Variants in SRRM5 observed in about 807,000 individuals in gnomAD.
SRRM5 encodes the protein serine/arginine repetitive matrix protein 5.
Under a neutral mutation model 1.3 loss-of-function variants are expected in SRRM5, and 1 was observed. The observed-to-expected ratio is 0.76, with a 90% CI of 0.27 to 3.59. The LOEUF (loss-of-function observed/expected upper bound fraction) is 3.59. Among genes scored for constraint, SRRM5 ranks in the 30% most tolerant of loss-of-function variants. SRRM5 has a pLI of 0.19. For synonymous variants in SRRM5, 275 were observed against 320.2 expected (o/e 0.86, Z 1.51); for missense variants, 875 against 914.5 (o/e 0.96, Z 0.56).
Position 43,612,792 on chromosome 19 carries a change from G to A in SRRM5, c.671G>A (p.Gly224Glu), listed in dbSNP as rs1973316446. 12 of 1,551,606 alleles carry A rather than the reference G, an allele frequency of 7.7e-6. No individual in the cohort carries two copies. Among genetic ancestry groups the A allele is most frequent in the Non-Finnish European group, 1.0e-5 (12 of 1,146,974 alleles). Residue 224 changes from glycine to glutamate, a missense_variant, in exon 1 of 1, where the codon GGA becomes GAA. By Grantham distance (98) the Gly-to-Glu change is moderately conservative. Coordinates refer to ENST00000417606, the MANE Select transcript of SRRM5 (RefSeq NM_001145641.2). The surrounding 1 kb of genome is among the most constrained non-coding windows in gnomAD (Gnocchi z 4.2). ...PSTAKCQTPT[G>E]IPSKEKSDNP... ...ACAGCCAAGTGTCAAACCCCGACTG[G>A]AATTCCCTCCAAGGAGAAGAGTGAC...
Position 43,613,527 on chromosome 19 carries a change from A to T in SRRM5, c.1406A>T (p.Lys469Met). 1 of 1,551,414 alleles carries T rather than the reference A, an allele frequency of 6.4e-7. No homozygotes were observed. The highest frequency in any genetic ancestry group is 8.7e-7 in the Non-Finnish European group (1 of 1,146,906). The change falls in exon 1 of 1, where the codon AAG becomes ATG. Residue 469 changes from lysine (K) to methionine (M), a missense_variant. Lys to Met is a moderately conservative substitution (Grantham distance 95, BLOSUM62 -1). Coordinates refer to ENST00000417606, the MANE Select transcript of SRRM5 (RefSeq NM_001145641.2). ...RDHSRSRSPNKARDRSRSRSP... is the reference protein window; with the variant it reads ...RDHSRSRSPNMARDRSRSRSP... Reference sequence around the variant, plus strand: ...CATAGCCGATCTAGAAGTCCCAACAAGGCGAGAGATCGCAGCCGATCTAGA... The same window carrying T: ...CATAGCCGATCTAGAAGTCCCAACATGGCGAGAGATCGCAGCCGATCTAGA...
Position 43,612,713 on chromosome 19 carries a change from C to T in SRRM5, c.592C>T (p.Pro198Ser). Residue 198 changes from proline to serine, a missense_variant, in exon 1 of 1, where the codon CCA becomes TCA. Physicochemically the swap from Pro to Ser is moderately conservative, Grantham distance 74. Transcript: ENST00000417606. The surrounding 1 kb of genome is among the most constrained non-coding windows in gnomAD (Gnocchi z 4.2). ...PRNLSKKSYRPPGGSGIGRSS... is the reference protein window; with the variant it reads ...PRNLSKKSYRSPGGSGIGRSS... ...AAATCTGAGCAAGAAGAGTTACCGC[C>T]CACCAGGAGGCTCAGGTATAGGGAG... The T allele has an allele frequency of 6.4e-7, 1 of 1,551,616 alleles. No homozygotes were observed. The highest frequency in any genetic ancestry group is 1.2e-5 in the South Asian group (1 of 84,066).
Position 43,613,257 on chromosome 19 carries a change from G to C in SRRM5, c.1136G>C (p.Gly379Ala). Residue 379 changes from glycine (G) to alanine (A), a missense_variant, in exon 1 of 1, where the codon GGA (glycine) becomes GCA (alanine). By Grantham distance (60) the Gly-to-Ala change is moderately conservative. Coordinates refer to ENST00000417606, the MANE Select transcript of SRRM5 (RefSeq NM_001145641.2). ...TCCAGCAAAGAGAGAGATCACAGGG[G>C]ATCTAGCAGCCCCAGGAAGGAGAGT... is the stretch of plus-strand genomic sequence containing the variant. ...RSSSKERDHR[G>A]SSSPRKESGR... The C allele has an allele frequency of 6.4e-7, 1 of 1,551,554 alleles. No individual in the cohort carries two copies. The highest frequency in any genetic ancestry group is 8.7e-7 in the Non-Finnish European group (1 of 1,146,962).
rs1012017485 is a variant in SRRM5 at position 43,613,395 on chromosome 19, G to A, written c.1274G>A (p.Arg425His). Residue 425 changes from arginine (R) to histidine (H), a missense_variant, in exon 1 of 1, where the codon CGC becomes CAC. Transcript: ENST00000417606. Reference sequence around the variant, plus strand: ...AGAAGTCCCTACAAGGCGAGAGATCGCAGCCGATCTAGAAGTCCCAACAAG... The same window carrying A: ...AGAAGTCCCTACAAGGCGAGAGATCACAGCCGATCTAGAAGTCCCAACAAG... ...RSRSPYKARD[R>H]SRSRSPNKAR... is the part of the protein sequence containing the mutation. 1.5e-5 allele frequency: 23 copies of A among 1,527,890 alleles called. No homozygotes were observed. The highest frequency in any genetic ancestry group is 1.7e-4 in the Middle Eastern group (1 of 5,968). The allele number at this position is 1,527,890 out of a possible 1,614,324, so 94.6% of individuals were successfully genotyped here. A position where few individuals can be genotyped will look rare whatever the true frequency, so the allele number is the denominator to read the frequency against.
In SRRM5 at chr19:43,614,140, C is replaced by G. The variant is rs1417147698; in HGVS notation, c.2019C>G (p.Ser673Arg). 6.2e-7 allele frequency: 1 copy of G among 1,612,394 alleles called. No individual in the cohort carries two copies. The highest frequency in any genetic ancestry group is 1.7e-5 in the Admixed American group (1 of 59,688). The change falls in exon 1 of 1, where the codon AGC becomes AGG. Residue 673 changes from serine to arginine, a missense_variant. Physicochemically the swap from Ser to Arg is moderately radical, Grantham distance 110 (BLOSUM62 -1). Coordinates refer to ENST00000417606, the MANE Select transcript of SRRM5 (RefSeq NM_001145641.2). ...SQNRTPSKTS[S>R]HSPSTFPSGG... ...ATAGAACCCCTAGCAAGACAAGCAG[C>G]CACTCCCCATCAACATTTCCCAGTG...
chr19:43,613,550 A>G lies in SRRM5; in HGVS notation c.1429A>G (p.Arg477Gly). 1.3e-6 allele frequency: 2 copies of G among 1,551,578 alleles called. No individual in the cohort carries two copies. Among genetic ancestry groups the G allele is most frequent in the Non-Finnish European group, 1.7e-6 (2 of 1,146,932 alleles). Reference sequence around the variant, plus strand: ...CAAGGCGAGAGATCGCAGCCGATCTAGAAGCCCCAGCAAGGAAAGAGATCA... The same window carrying G: ...CAAGGCGAGAGATCGCAGCCGATCTGGAAGCCCCAGCAAGGAAAGAGATCA... ...PNKARDRSRS[R>G]SPSKERDHSQ... The change falls in exon 1 of 1, where the codon AGA becomes GGA. Residue 477 changes from arginine (R) to glycine (G), a missense_variant. Arg to Gly is a moderately radical substitution (Grantham distance 125, BLOSUM62 -2). Transcript: ENST00000417606.
Position 43,612,517 on chromosome 19 carries a change from C to G in SRRM5, c.396C>G (p.Ser132=). The G allele has an allele frequency of 1.3e-6, 2 of 1,551,412 alleles. No individual in the cohort carries two copies. The highest frequency in any genetic ancestry group is 1.7e-6 in the Non-Finnish European group (2 of 1,146,962). The change falls in exon 1 of 1, where the codon TCC becomes TCG. Residue 132 remains serine, a synonymous_variant. Coordinates refer to ENST00000417606, the MANE Select transcript of SRRM5 (RefSeq NM_001145641.2). The surrounding 1 kb of genome is among the most constrained non-coding windows in gnomAD (Gnocchi z 4.2). ...CTGGCAGAAGGGGAAGCCGCAGCTC[C>G]AAGAGGTCACCCAGCAGGGCCAGCA... ...RTPGRRGSRS[S]KRSPSRASTP...
chr19:43,612,651 G>A lies in SRRM5; in HGVS notation c.530G>A (p.Arg177Lys). The A allele has an allele frequency of 3.2e-6, 5 of 1,551,450 alleles. No homozygotes were observed. Among genetic ancestry groups the A allele is most frequent in the Non-Finnish European group, 4.4e-6 (5 of 1,146,966 alleles). Reference protein sequence around the residue: ...GSRGKSYGRPRTSNRERSDSQ... With the variant: ...GSRGKSYGRPKTSNRERSDSQ... ...CGGGGAAAGAGTTACGGCCGGCCTA[G>A]AACCAGCAACAGGGAAAGGAGTGAC... Residue 177 changes from arginine to lysine, a missense_variant, in exon 1 of 1, where the codon AGA (arginine) becomes AAA (lysine). Physicochemically the swap from Arg to Lys is conservative, Grantham distance 26 (BLOSUM62 2). Transcript: ENST00000417606. The surrounding 1 kb of genome is among the most constrained non-coding windows in gnomAD (Gnocchi z 4.2).
Position 43,612,450 on chromosome 19 carries a change from G to A in SRRM5, c.329G>A (p.Arg110Lys). 6.4e-6 allele frequency: 10 copies of A among 1,551,574 alleles called. No individual in the cohort carries two copies. The highest frequency in any genetic ancestry group is 8.7e-6 in the Non-Finnish European group (10 of 1,146,972). ...TSKASKASDV[R>K]CHQRRGTHSR... Reference sequence around the variant, plus strand: ...AAAGCCAGCAAGGCCAGCGACGTGAGATGCCACCAGCGGAGGGGCACACAC... The same window carrying A: ...AAAGCCAGCAAGGCCAGCGACGTGAAATGCCACCAGCGGAGGGGCACACAC... Residue 110 changes from arginine to lysine, a missense_variant, in exon 1 of 1, where the codon AGA becomes AAA. Physicochemically the swap from Arg to Lys is conservative, Grantham distance 26. Coordinates refer to ENST00000417606, the MANE Select transcript of SRRM5 (RefSeq NM_001145641.2). This position sits in a 1 kb window ranked among gnomAD's most constrained non-coding sequence, Gnocchi z 4.2.
In SRRM5 at chr19:43,614,251, T is replaced by A. The variant is rs151302773; in HGVS notation, c.2130T>A (p.Ser710=). 60 of 1,614,078 alleles carry A rather than the reference T, an allele frequency of 3.7e-5. No individual in the cohort carries two copies. Among genetic ancestry groups the A allele is most frequent in the Middle Eastern group, 1.6e-4 (1 of 6,062 alleles). ...ATLPGERSSS[S]SSKLA ...TACCTGGGGAAAGGTCTTCATCATC[T>A]TCTTCCAAGCTGGCGTAGCCCCCAG... The change falls in exon 1 of 1, where the codon TCT becomes TCA. Residue 710 remains serine, a synonymous_variant. Coordinates refer to ENST00000417606, the MANE Select transcript of SRRM5 (RefSeq NM_001145641.2).
chr19:43,612,920 AAG>A lies in SRRM5; in HGVS notation c.802_803del (p.Ser268LeufsTer2). The A allele has an allele frequency of 6.4e-7, 1 of 1,551,732 alleles. No homozygotes were observed. The highest frequency in any genetic ancestry group is 8.7e-7 in the Non-Finnish European group (1 of 1,146,984). The stretch of plus-strand genomic sequence containing the variant: ...CCCCACTGAAATGTCCAGCAGGGTC[AAG>A]AGTTATAACCAGGCCAGCACCCGCA... On this transcript the variant is annotated frameshift_variant, in exon 3 of 3. Coordinates refer to the SRRM5 transcript ENST00000607544. LOFTEE classifies it low-confidence loss of function (END_TRUNC). The surrounding 1 kb of genome is among the most constrained non-coding windows in gnomAD (Gnocchi z 4.2).
rs2146118504 is a variant in SRRM5, at chr19:43,613,153, T to A, written c.1032T>A (p.Ser344=). The A allele has an allele frequency of 1.3e-6, 2 of 1,551,442 alleles. No homozygotes were observed. Among genetic ancestry groups the A allele is most frequent in the Middle Eastern group, 1.7e-4 (1 of 5,992 alleles). Residue 344 remains serine (S), a synonymous_variant, in exon 1 of 1, where the codon TCT becomes TCA. Coordinates refer to ENST00000417606, the MANE Select transcript of SRRM5 (RefSeq NM_001145641.2). Reference sequence around the variant, plus strand: ...GCAAGGGGAAAAGTCAAAACCAATCTAGAACCCCCAGAAGAGGAAGAAGTC... The same window carrying A: ...GCAAGGGGAAAAGTCAAAACCAATCAAGAACCCCCAGAAGAGGAAGAAGTC... ...SHSKGKSQNQ[S]RTPRRGRSHN...
chr19:43,614,212 C>T lies in SRRM5; in HGVS notation c.2091C>T (p.Thr697=). ...ATGACAGTCAAGCCGACGCCACCAC[C>T]TCTAAGGCCACCTTACCTGGGGAAA... ...SQDDSQADAT[T]SKATLPGERS... The change falls in exon 1 of 1, where the codon ACC becomes ACT. Residue 697 remains threonine (T), a synonymous_variant. Coordinates refer to ENST00000417606, the MANE Select transcript of SRRM5 (RefSeq NM_001145641.2). 6.2e-7 allele frequency: 1 copy of T among 1,614,242 alleles called. No homozygotes were observed. Among genetic ancestry groups the T allele is most frequent in the Non-Finnish European group, 8.5e-7 (1 of 1,180,038 alleles).
In SRRM5 at chr19:43,612,249, C is replaced by G. The variant is rs1973305650; in HGVS notation, c.128C>G (p.Ser43Cys). 1.9e-6 allele frequency: 3 copies of G among 1,551,754 alleles called. No individual in the cohort carries two copies. The highest frequency in any genetic ancestry group is 2.4e-5 in the South Asian group (2 of 84,060). Residue 43 changes from serine (S) to cysteine (C), a missense_variant, in exon 1 of 1, where the codon TCC (serine) becomes TGC (cysteine). By Grantham distance (112) the Ser-to-Cys change is moderately radical. Coordinates refer to ENST00000417606, the MANE Select transcript of SRRM5 (RefSeq NM_001145641.2). This position sits in a 1 kb window ranked among gnomAD's most constrained non-coding sequence, Gnocchi z 4.2. Reference sequence around the variant, plus strand: ...ACCAAATCAGCAACACCCAACAGATCCTTAGTGCCCACCAAACCAGCGACA... The same window carrying G: ...ACCAAATCAGCAACACCCAACAGATGCTTAGTGCCCACCAAACCAGCGACA... ...KSTKSATPNR[S>C]LVPTKPATSR...
rs748184399 is a variant in SRRM5 at position 43,613,026 on chromosome 19, T to G, written c.905T>G (p.Val302Gly). 1 of 1,550,260 alleles carries G rather than the reference T, an allele frequency of 6.5e-7. No individual in the cohort carries two copies. The highest frequency in any genetic ancestry group is 1.2e-5 in the South Asian group (1 of 83,976). ...SGSQKRTHSRVRSHSWKRNHS... is the reference protein window; with the variant it reads ...SGSQKRTHSRGRSHSWKRNHS... ...AGTCAGAAGAGGACGCACAGCAGAGTGAGAAGTCACAGTTGGAAGAGAAAC... is the reference window on the plus strand; with the variant it reads ...AGTCAGAAGAGGACGCACAGCAGAGGGAGAAGTCACAGTTGGAAGAGAAAC... The change falls in exon 1 of 1, where the codon GTG (valine) becomes GGG (glycine). Residue 302 changes from valine to glycine, a missense_variant. Physicochemically the swap from Val to Gly is moderately radical, Grantham distance 109. Transcript: ENST00000417606.
rs1388570970 is a variant in SRRM5 at position 43,613,180 on chromosome 19, C to T, written c.1059C>T (p.His353=). The part of the protein sequence containing the change: ...QSRTPRRGRS[H]NWSRNPSKER... ...GAACCCCCAGAAGAGGAAGAAGTCA[C>T]AACTGGTCTAGAAACCCCAGCAAGG... is the stretch of plus-strand genomic sequence containing the variant. The change falls in exon 1 of 1, where the codon CAC becomes CAT. Residue 353 remains histidine (H), a synonymous_variant. Coordinates refer to ENST00000417606, the MANE Select transcript of SRRM5 (RefSeq NM_001145641.2). The T allele has an allele frequency of 2.6e-6, 4 of 1,551,704 alleles. No homozygotes were observed. Among genetic ancestry groups the T allele is most frequent in the Non-Finnish European group, 3.5e-6 (4 of 1,147,006 alleles).
rs369769166 is a variant in SRRM5, at chr19:43,613,966, A to G, written c.1845A>G (p.Lys615=). The change falls in exon 1 of 1, where the codon AAA becomes AAG. Residue 615 remains lysine (K), a synonymous_variant. Transcript: ENST00000417606. ...YSRPRASSKE[K]AHSRSRTPSK... ...GACCTAGAGCCTCCAGCAAGGAGAA[A>G]GCTCATAGCCGATCTAGAACCCCCA... The G allele has an allele frequency of 1.5e-5, 24 of 1,551,748 alleles. No homozygotes were observed. In the Admixed American group the frequency reaches 1.6e-4, roughly 10 times the overall value.
rs1031268481 is a variant in SRRM5, at chr19:43,612,534, G to C, written c.413G>C (p.Arg138Thr). 1 of 1,551,452 alleles carries C rather than the reference G, an allele frequency of 6.4e-7. No homozygotes were observed. Among genetic ancestry groups the C allele is most frequent in the Non-Finnish European group, 8.7e-7 (1 of 1,146,976 alleles). ...CGCAGCTCCAAGAGGTCACCCAGCA[G>C]GGCCAGCACTCCTGGCAGGATAAGA... Reference protein sequence around the residue: ...GSRSSKRSPSRASTPGRIRTH... With the variant: ...GSRSSKRSPSTASTPGRIRTH... Residue 138 changes from arginine to threonine, a missense_variant, in exon 1 of 1, where the codon AGG becomes ACG. Coordinates refer to ENST00000417606, the MANE Select transcript of SRRM5 (RefSeq NM_001145641.2). This position sits in a 1 kb window ranked among gnomAD's most constrained non-coding sequence, Gnocchi z 4.2.
At position 43,613,908 on chromosome 19, in the gene SRRM5, C is replaced by A; in HGVS notation, c.1787C>A (p.Ser596Tyr). 6.4e-7 allele frequency: 1 copy of A among 1,551,700 alleles called. No individual in the cohort carries two copies. ...AGCGAGGAGAGAGATCACAGCCGATCTAGAAGCCCCAATAAGCAGAGTGGT... is the reference window on the plus strand; with the variant it reads ...AGCGAGGAGAGAGATCACAGCCGATATAGAAGCCCCAATAAGCAGAGTGGT... The part of the protein sequence containing the change: ...SSSEERDHSR[S>Y]RSPNKQSGYS... Residue 596 changes from serine to tyrosine, a missense_variant, in exon 1 of 1, where the codon TCT (serine) becomes TAT (tyrosine). Physicochemically the swap from Ser to Tyr is moderately radical, Grantham distance 144 (BLOSUM62 -2). Transcript: ENST00000417606.
Sources: gnomAD v4.1 joint callset for allele counts on GRCh38, gnomAD v4.1.1 for gene constraint, Gnocchi (gnomAD v3.1) non-coding constraint, MANE v1.5 for transcripts, NCBI Gene and HGNC (gene_info 2026-07-23, HGNC 2026-07-21) for gene names.